Variants in NHSL1 observed in about 807,000 individuals in gnomAD.
NHSL1 encodes the protein NHS-like protein 1.
A neutral mutation model predicts 95.0 loss-of-function variants in NHSL1; 48 were observed. The ratio of observed to expected loss-of-function variants is 0.51; its 90% confidence interval spans 0.40 to 0.64. The LOEUF is 0.64. Ranked by LOEUF, NHSL1 falls within the 30% of genes least tolerant of loss-of-function variation. The pLI, the probability that NHSL1 is intolerant of heterozygous loss-of-function variation, is 0.00. For synonymous variants in NHSL1, 783 were observed against 833.9 expected, an observed-to-expected ratio of 0.94 and a Z score of 1.05; for missense variants, 1,971 against 2,077.7, an observed-to-expected ratio of 0.95 and a Z score of 1.00.
chr6:138,488,357 T>C (rs1225923355), intron 2 of NHSL1, among the ~76,000 whole-genome samples: 1 of 152,200 alleles, frequency 6.6e-6, no homozygotes, highest in African/African-American at 2.4e-5. Flanking sequence ...GAAGTATTCT[T>C]TGGGAAGTAA....
At chr6:138,465,938 G>C (rs1425024817) in intron 3 of NHSL1, among the ~76,000 whole-genome samples, 3 of 150,572 alleles carry the variant, frequency 2.0e-5, no homozygotes, top group African/African-American at 7.3e-5. Context: ...TGTCCAGGCT[G>C]GTCTCAAACT....
intron 1 of NHSL1, among the ~76,000 whole-genome samples, chr6:138,689,117 C>T (rs1672741826): frequency 1.3e-5 from 2 of 152,298 alleles, no homozygotes; most frequent in Admixed American, 1.3e-4. Context: ...AGTTATTCTT[C>T]CTGACAGTAA....
Position 138,433,377 on chromosome 6 carries a change from T to C in NHSL1, c.968A>G (p.His323Arg), listed in dbSNP as rs1775848125. 1.9e-6 allele frequency: 3 copies of C among 1,552,144 alleles called. No individual in the cohort carries two copies. The highest frequency in any genetic ancestry group is 1.2e-5 in the South Asian group (1 of 84,054). The change falls in exon 6 of 8, where the codon CAT becomes CGT. Residue 323 changes from histidine (H) to arginine (R), a missense_variant. His to Arg is a conservative substitution (Grantham distance 29). Transcript: ENST00000343505. ...CCTTGCTCCAGAACGCGGAAGACTA[T>C]GGAAGCCAGCATCACTGTCAAGGCG... The part of the protein sequence containing the change: ...PSRLDSDAGF[H>R]SLPRSGARAN...
chr6:138,584,721 G>A (rs1005580326), intron 1 of NHSL1, among the ~76,000 whole-genome samples: 5 of 152,306 alleles, frequency 3.3e-5, no homozygotes, highest in Middle Eastern at 3.4e-3. Flanking sequence ...ATGAAGATAT[G>A]CCACCACGAA....
At chr6:138,598,732 GC>G (rs1466180385) in intron 1 of NHSL1, among the ~76,000 whole-genome samples, 1 of 151,224 alleles carries the variant, frequency 6.6e-6, no homozygotes, top group Non-Finnish European at 1.5e-5. Flanking sequence ...ATTTGGATTT[GC>G]TGACCAGACT....
intron 1 of NHSL1, among the ~76,000 whole-genome samples, chr6:138,628,825 G>A (rs9495165): frequency 0.039 from 5,933 of 152,268 alleles, 309 homozygotes; most frequent in African/African-American, 0.12. Flanking sequence ...TTGAAACCAC[G>A]CTTGTTAGCA....
At chr6:138,611,493 TC>T (rs1222420734) in intron 1 of NHSL1, among the ~76,000 whole-genome samples, 1 of 152,188 alleles carries the variant, frequency 6.6e-6, no homozygotes, top group African/African-American at 2.4e-5. Context: ...ACGCCTGTAA[TC>T]CCAGCACTTT....
At chr6:138,609,749 C>CAAAAAAAA (rs10687521) in intron 1 of NHSL1, among the ~76,000 whole-genome samples, 5,400 of 105,602 alleles carry the variant, frequency 0.051, 340 homozygotes, top group East Asian at 0.22. Flanking sequence ...GACTCTGTCT[C>CAAAAAAAA]AAAAAAAAAA....
At chr6:138,593,097 C>T (rs547850046) in intron 1 of NHSL1, among the ~76,000 whole-genome samples, 60 of 152,230 alleles carry the variant, frequency 3.9e-4, no homozygotes, top group South Asian at 6.2e-4. Context: ...CACTTCCACA[C>T]AAACCAGAGA....
At chr6:138,671,100 C>T (rs1231492862) in intron 1 of NHSL1, among the ~76,000 whole-genome samples, 6 of 151,858 alleles carry the variant, frequency 4.0e-5, no homozygotes, top group Admixed American at 2.6e-4. Context: ...GGCTGCAGTG[C>T]GCTATGAACA....
rs1255675300 is a variant in NHSL1, at chr6:138,424,871, C to G, written c.4086-55G>C. The G allele has an allele frequency of 1.4e-6, 2 of 1,382,784 alleles. No homozygotes were observed. The highest frequency in any genetic ancestry group is 2.0e-6 in the Non-Finnish European group (2 of 1,013,428). 85.7% of individuals were successfully genotyped at this position (1,382,784 alleles called of 1,614,324 possible). On this transcript the variant is annotated intron_variant, in intron 7 of 7. Coordinates refer to ENST00000343505, the MANE Select transcript of NHSL1 (RefSeq NM_001144060.2). The surrounding 1 kb of genome is among the most constrained non-coding windows in gnomAD (Gnocchi z 5.9). ...TAATTCCCACGGGACCACAGGCTGT[C>G]AGCCACAACCACTCTGCTCTTATCG...
At chr6:138,666,238 G>A (rs1785292329) in intron 1 of NHSL1, among the ~76,000 whole-genome samples, 1 of 152,146 alleles carries the variant, frequency 6.6e-6, no homozygotes, top group Non-Finnish European at 1.5e-5. Flanking sequence ...CAGAGGTGGA[G>A]GTTGCAGTGA....
chr6:138,571,856 A>C lies in NHSL1; in HGVS notation c.56T>G (p.Leu19Arg), dbSNP rs1427334119. The C allele has an allele frequency of 1.9e-6, 3 of 1,551,826 alleles. No individual in the cohort carries two copies. The South Asian group carries it at 3.6e-5, about 18-fold the overall frequency. ...ATTTATCCAACTTACAGCACGTGAGAGAGAACCTGTATTCGGCTGGAGTCT... is the reference window on the plus strand; with the variant it reads ...ATTTATCCAACTTACAGCACGTGAGCGAGAACCTGTATTCGGCTGGAGTCT... Residue 19 changes from leucine (L) to arginine (R), a missense_variant, in exon 1 of 7, where the codon CTC (leucine) becomes CGC (arginine). Physicochemically the swap from Leu to Arg is moderately radical, Grantham distance 102. Coordinates refer to the NHSL1 transcript ENST00000427025.
chr6:138,441,980 T>C lies in NHSL1; in HGVS notation c.664+3A>G. 1.3e-6 allele frequency: 2 copies of C among 1,549,592 alleles called. No individual in the cohort carries two copies. Among genetic ancestry groups the C allele is most frequent in the Non-Finnish European group, 1.7e-6 (2 of 1,146,130 alleles). On this transcript the variant is annotated splice_donor_region_variant and intron_variant, in intron 5 of 7. Transcript: ENST00000343505. Reference sequence around the variant, plus strand: ...AACAGAATACAGTTCTGATGAGCCATACCTAGCTCCTTCTGTATGTTGTCA... The same window carrying C: ...AACAGAATACAGTTCTGATGAGCCACACCTAGCTCCTTCTGTATGTTGTCA...
At chr6:138,663,379 G>A (rs1220262129) in intron 1 of NHSL1, among the ~76,000 whole-genome samples, 1 of 151,906 alleles carries the variant, frequency 6.6e-6, no homozygotes, top group Non-Finnish European at 1.5e-5. Flanking sequence ...TGATCAACAT[G>A]GAGAAACCCT....
intron 1 of NHSL1, among the ~76,000 whole-genome samples, chr6:138,532,638 C>T (rs1354908790): frequency 2.6e-5 from 4 of 152,156 alleles, no homozygotes; most frequent in Non-Finnish European, 5.9e-5. Context: ...CCCCATCAAG[C>T]AAGCAGGGCA....
chr6:138,509,633 A>G (rs1017431548), intron 1 of NHSL1, among the ~76,000 whole-genome samples: 1 of 152,218 alleles, frequency 6.6e-6, no homozygotes, highest in African/African-American at 2.4e-5. Context: ...CTCAGCTGTC[A>G]TTTACAGAAG....
Position 138,441,927 on chromosome 6 carries a change from G to A in NHSL1, c.664+56C>T, listed in dbSNP as rs989665324. On this transcript the variant is annotated intron_variant, in intron 5 of 7. Coordinates refer to ENST00000343505, the MANE Select transcript of NHSL1 (RefSeq NM_001144060.2). ...TATAAGCACCATGAATGAGGTTAGC[G>A]CAGTAAGGCCGAGCAGCAGTGAAGG... The A allele has an allele frequency of 2.5e-5, 37 of 1,474,182 alleles. No individual in the cohort carries two copies. In the East Asian group the frequency reaches 3.4e-4, roughly 13 times the overall value. 91.3% of individuals were successfully genotyped at this position (1,474,182 alleles called of 1,614,324 possible).
chr6:138,674,236 A>C (rs1029867352), intron 1 of NHSL1, among the ~76,000 whole-genome samples: 4 of 152,096 alleles, frequency 2.6e-5, no homozygotes, highest in Non-Finnish European at 5.9e-5. Context: ...AAGGATGTTG[A>C]ATTGTATTGA....
Sources: gnomAD v4.1 joint callset for allele counts (sites outside exome capture counted in the v4.1 genomes callset) on GRCh38, gnomAD v4.1.1 for gene constraint, Gnocchi (gnomAD v3.1) non-coding constraint, MANE v1.5 for transcripts, NCBI Gene and HGNC (gene_info 2026-07-23, HGNC 2026-07-21) for gene names.